The following ORC2 variants were observed in gnomAD, a reference collection of about 807,000 sequenced individuals.
ORC2 encodes origin recognition complex protein 2 homolog.
ORC2 carries 37 observed loss-of-function variants against 77.7 expected under a neutral mutation model. That is an observed-to-expected ratio of 0.48 (90% CI 0.37 to 0.63). The LOEUF is 0.63. Ranked by LOEUF, ORC2 falls within the 20% of genes least tolerant of loss-of-function variation. The pLI is 0.00. For missense variants in ORC2, 557 were observed against 661.9 expected, an observed-to-expected ratio of 0.84 and a Z score of 1.74; for synonymous variants, 201 against 229.5, an observed-to-expected ratio of 0.88 and a Z score of 1.12.
At chr2:200,930,400 G>A (rs893376626) in intron 11 of ORC2, among the ~76,000 whole-genome samples, 17 of 152,048 alleles carry the variant, frequency 1.1e-4, no homozygotes, top group African/African-American at 4.1e-4. Flanking sequence ...CTGGGGATGG[G>A]ATTAGAATGA....
intron 5 of ORC2, among the ~76,000 whole-genome samples, chr2:200,944,676 GA>G (rs2041219688): frequency 6.6e-6 from 1 of 152,108 alleles, no homozygotes; most frequent in Non-Finnish European, 1.5e-5. Context: ...AAATAGCTGA[GA>G]CCACAGGCGT....
rs1005308578 is a variant in ORC2 at position 200,926,779 on chromosome 2, T to G, written c.1039A>C (p.Ser347Arg). 6.2e-7 allele frequency: 1 copy of G among 1,613,858 alleles called. No homozygotes were observed. The highest frequency in any genetic ancestry group is 1.3e-5 in the African/African-American group (1 of 74,932). ...TTTTTGAAACTTACTGATTTCACAC[T>G]GATTCCAGGAAAGAAGCCATTGATG... is the stretch of plus-strand genomic sequence containing the variant. ...VVINGFFPGI[S>R]VKSVLNSITE... Residue 347 changes from serine to arginine, a missense_variant, in exon 12 of 18, where the codon AGT becomes CGT. Transcript: ENST00000234296.
chr2:200,961,558 C>A (rs1389019992), intron 1 of ORC2, among the ~76,000 whole-genome samples: 1 of 152,058 alleles, frequency 6.6e-6, no homozygotes, highest in Non-Finnish European at 1.5e-5. Context: ...ATAGAATGTC[C>A]AAACTGGAAA....
At position 200,915,140 on chromosome 2, in the gene ORC2, G is replaced by A. The variant is rs560911536; in HGVS notation, c.1467-1148C>T. 3.3e-3 allele frequency among the ~76,000 whole-genome samples: 498 copies of A among 149,430 alleles called. 1 individual carries two copies. Among genetic ancestry groups the A allele is most frequent in the African/African-American group, 0.011 (462 of 40,648 alleles). On this transcript the variant is annotated intron_variant, in intron 15 of 17. Coordinates refer to ENST00000234296, the MANE Select transcript of ORC2 (RefSeq NM_006190.5). The stretch of plus-strand genomic sequence containing the variant: ...AAGCGATTCTCCTGCCTCAGCCTCC[G>A]AGTAGCTGGGATTATAGGCATGTGC...
intron 11 of ORC2, among the ~76,000 whole-genome samples, chr2:200,930,503 T>C (rs1335660491): frequency 6.9e-6 from 1 of 144,608 alleles, no homozygotes; most frequent in African/African-American, 2.7e-5. Context: ...CTTCCTAGCA[T>C]AACTTTTTTT....
chr2:200,939,351 C>A lies in ORC2; in HGVS notation c.454-1385G>T, dbSNP rs114947271. 7.5e-3 allele frequency among the ~76,000 whole-genome samples: 1,135 copies of A among 152,186 alleles called. 10 individuals are homozygous for A. The highest frequency in any genetic ancestry group is 0.026 in the African/African-American group (1,075 of 41,506). On this transcript the variant is annotated intron_variant, in intron 7 of 17. Coordinates refer to ENST00000234296, the MANE Select transcript of ORC2 (RefSeq NM_006190.5). Reference sequence around the variant, plus strand: ...TTCACAACACCTGTGTCAAAATAACCACTGCAGAAAATTCCTGCTCAAAAA... The same window carrying A: ...TTCACAACACCTGTGTCAAAATAACAACTGCAGAAAATTCCTGCTCAAAAA...
chr2:200,956,901 C>G (rs1028240177), intron 4 of ORC2, among the ~76,000 whole-genome samples: 2 of 152,172 alleles, frequency 1.3e-5, no homozygotes, highest in East Asian at 1.9e-4. Flanking sequence ...CCTCAGCAAA[C>G]TAACACAGGA....
At chr2:200,938,495 C>T (rs1350860637) in intron 7 of ORC2, among the ~76,000 whole-genome samples, 7 of 152,092 alleles carry the variant, frequency 4.6e-5, no homozygotes, top group Non-Finnish European at 4.4e-5. Context: ...CACTTTCTTA[C>T]TTTCTGTATT....
chr2:200,933,782 C>G, intron 10 of ORC2, 94 bp downstream of exon 10: 2 of 631,688 alleles, frequency 3.2e-6, no homozygotes, highest in Non-Finnish European at 5.7e-6. Flanking sequence ...GACAATAATT[C>G]TACTTGTGTA....
At chr2:200,953,486 G>T (rs2041404993) in intron 4 of ORC2, among the ~76,000 whole-genome samples, 1 of 151,538 alleles carries the variant, frequency 6.6e-6, no homozygotes, top group African/African-American at 2.4e-5. Context: ...TACACTGTAG[G>T]TTGATATGTA....
intron 16 of ORC2, 152 bp from the exon 17 acceptor site, chr2:200,913,565 A>G: frequency 7.4e-7 from 1 of 1,343,850 alleles, no homozygotes; most frequent in Non-Finnish European, 9.6e-7. Flanking sequence ...AGAAGGAACA[A>G]GTAAGTCATG....
intron 11 of ORC2, 34 bp from the exon 12 acceptor site, chr2:200,926,934 T>C (rs1360924072): frequency 1.3e-6 from 2 of 1,596,894 alleles, no homozygotes; most frequent in Middle Eastern, 3.3e-4. Flanking sequence ...GAAATTAAAC[T>C]TCAATACCTC....
chr2:200,917,455 T>A (rs1183318521), intron 15 of ORC2, among the ~76,000 whole-genome samples: 1 of 152,104 alleles, frequency 6.6e-6, no homozygotes, highest in Non-Finnish European at 1.5e-5. Context: ...CCTGGCCGAG[T>A]TGAATGCTAA....
chr2:200,927,460 C>T lies in ORC2; in HGVS notation c.918-560G>A, dbSNP rs370564438. On this transcript the variant is annotated intron_variant, in intron 11 of 17. Coordinates refer to ENST00000234296, the MANE Select transcript of ORC2 (RefSeq NM_006190.5). The stretch of plus-strand genomic sequence containing the variant: ...CTGTAATCCCAGCACTTTGGGAGGC[C>T]GAGGTGGGCGGATCACGAGGTCAGG... Among the ~76,000 whole-genome samples, 9 of 150,358 alleles carry T rather than the reference C, an allele frequency of 6.0e-5. No homozygotes were observed. The East Asian group carries it at 8.0e-4, about 13-fold the overall frequency.
intron 5 of ORC2, among the ~76,000 whole-genome samples, chr2:200,948,937 T>C (rs992687230): frequency 2.0e-5 from 3 of 151,952 alleles, no homozygotes; most frequent in Non-Finnish European, 4.4e-5. Flanking sequence ...TCAAAAAAAT[T>C]TGTGAAGAAA....
intron 1 of ORC2, among the ~76,000 whole-genome samples, chr2:200,960,301 C>T (rs567765741): frequency 2.0e-5 from 3 of 151,378 alleles, no homozygotes; most frequent in South Asian, 2.1e-4. Context: ...TAAACAACAA[C>T]GACAACAAAA....
chr2:200,933,080 C>CT (rs2040971270), intron 10 of ORC2, among the ~76,000 whole-genome samples: 1 of 152,084 alleles, frequency 6.6e-6, no homozygotes, highest in African/African-American at 2.4e-5. Context: ...TCCCATATTG[C>CT]TTATATTCTC....
intron 13 of ORC2, among the ~76,000 whole-genome samples, chr2:200,923,373 C>T (rs775190203): frequency 1.3e-5 from 2 of 152,020 alleles, no homozygotes; most frequent in Admixed American, 6.6e-5. Context: ...CTCAGCCTCC[C>T]GACTAGCTGG....
chr2:200,921,111 G>A lies in ORC2; in HGVS notation c.1176C>T (p.Ile392=). 1.2e-6 allele frequency: 2 copies of A among 1,602,586 alleles called. No homozygotes were observed. The change falls in exon 14 of 18, where the codon ATC becomes ATT. Residue 392 remains isoleucine, a synonymous_variant. Transcript: ENST00000234296. ...EDSSLELFLL[I]HNLDSQMLRG... ...TCAACATCTGGCTATCCAAATTGTGGATGAGAAGGAAGAGTTCTAAAGAAG... is the reference window on the plus strand; with the variant it reads ...TCAACATCTGGCTATCCAAATTGTGAATGAGAAGGAAGAGTTCTAAAGAAG...
Sources: allele counts gnomAD v4.1 joint callset (sites outside exome capture counted in the v4.1 genomes callset), GRCh38; gene constraint gnomAD v4.1.1; transcripts MANE v1.5; gene names NCBI Gene and HGNC (gene_info 2026-07-23, HGNC 2026-07-21).